Variants in TBC1D7 observed in about 807,000 individuals in gnomAD.
The protein encoded by TBC1D7 is TBC1 domain family member 7, also known as TBC domain family 7.
Under a neutral mutation model 35.3 loss-of-function variants are expected in TBC1D7, and 33 were observed. The observed-to-expected ratio is 0.93, with a 90% confidence interval of 0.71 to 1.25. The LOEUF (loss-of-function observed/expected upper bound fraction) is 1.25, where lower values mean the gene tolerates loss of function less well. Ranked by LOEUF, TBC1D7 falls within the 50% of genes most tolerant of loss-of-function variation. TBC1D7 has a pLI of 0.00. For missense variants in TBC1D7, 362 were observed against 365.3 expected (o/e 0.99, Z 0.07); for synonymous variants, 135 against 129.5 (o/e 1.04, Z -0.29).
At chr6:13,317,063 G>A (rs113722815) in intron 4 of TBC1D7, among the ~76,000 whole-genome samples, 6 of 152,300 alleles carry the variant, frequency 3.9e-5, no homozygotes, top group African/African-American at 1.4e-4. Flanking sequence ...TTTGAAAAGG[G>A]TGTAATAAAC....
At position 13,316,575 on chromosome 6, in the gene TBC1D7, T is replaced by C; in HGVS notation, c.515A>G (p.Gln172Arg). ...AAAAAAAAAAAAAGCCCTCACCAACTGGGGCAAGGAATCCCGGTACTTGGT... is the reference window on the plus strand; with the variant it reads ...AAAAAAAAAAAAAGCCCTCACCAACCGGGGCAAGGAATCCCGGTACTTGGT... ...LNTKYRDSLP[Q>R]LPKAFEQYLN... Residue 172 changes from glutamine to arginine, a missense_variant, in exon 5 of 8, where the codon CAG becomes CGG. Transcript: ENST00000379300. The C allele has an allele frequency of 6.3e-7, 1 of 1,595,402 alleles. No individual in the cohort carries two copies.
intron 5 of TBC1D7, among the ~76,000 whole-genome samples, chr6:13,311,276 G>T (rs1158416315): frequency 1.3e-5 from 2 of 152,204 alleles, no homozygotes; most frequent in Non-Finnish European, 2.9e-5. Context: ...TACAATTGAA[G>T]TTGGCCTCTA....
chr6:13,320,015 C>A (rs1783915505), intron 4 of TBC1D7: 1 of 152,220 alleles, frequency 6.6e-6, no homozygotes, highest in Non-Finnish European at 1.5e-5. Context: ...GAGAAGGACA[C>A]AGCATCACCT....
chr6:13,325,851 G>A (rs6916634), intron 2 of TBC1D7, among the ~76,000 whole-genome samples: 23,923 of 152,000 alleles, frequency 0.16, 2,322 homozygotes, highest in East Asian at 0.3. Flanking sequence ...TAAATGACTT[G>A]ATCAAACTAA....
intron 3 of TBC1D7, among the ~76,000 whole-genome samples, chr6:13,324,134 T>G (rs764989528): frequency 1.5e-4 from 13 of 87,064 alleles, no homozygotes; most frequent in Admixed American, 6.8e-4. Context: ...TTGTTTTTTG[T>G]TTTTTTTTTT....
rs1232649367 is a variant in TBC1D7 at position 13,321,044 on chromosome 6, T to C, written c.245A>G (p.Lys82Arg). The C allele has an allele frequency of 1.2e-6, 2 of 1,614,160 alleles. No individual in the cohort carries two copies. Among genetic ancestry groups the C allele is most frequent in the Non-Finnish European group, 1.7e-6 (2 of 1,179,982 alleles). ...ATGAAGGACATCCAAGTACTGCTCCTTACGATACATCATCACCTTGGCATG... is the reference window on the plus strand; with the variant it reads ...ATGAAGGACATCCAAGTACTGCTCCCTACGATACATCATCACCTTGGCATG... ...ESHAKVMMYR[K>R]EQYLDVLHAL... Residue 82 changes from lysine to arginine, a missense_variant, in exon 4 of 8, where the codon AAG becomes AGG. Physicochemically the swap from Lys to Arg is conservative, Grantham distance 26. Coordinates refer to ENST00000379300, the MANE Select transcript of TBC1D7 (RefSeq NM_016495.6).
intron 3 of TBC1D7, among the ~76,000 whole-genome samples, chr6:13,324,621 G>A (rs989823097): frequency 9.9e-5 from 15 of 152,080 alleles, no homozygotes; most frequent in African/African-American, 3.4e-4. Context: ...TCAGCCACTC[G>A]CACCACTGGA....
intron 4 of TBC1D7, chr6:13,318,620 C>T (rs1039525211): frequency 6.6e-6 from 1 of 152,052 alleles, no homozygotes; most frequent in Non-Finnish European, 1.5e-5. Context: ...TCCATGGATA[C>T]CTCATCATTA....
At chr6:13,325,236 C>G in intron 2 of TBC1D7, 62 bp from the exon 3 acceptor site, 1 of 1,234,296 alleles carries the variant, frequency 8.1e-7, no homozygotes, top group African/African-American at 1.5e-5. Flanking sequence ...TGTCAAGGCA[C>G]ATTTCATTTT....
intron 4 of TBC1D7, 111 bp from the exon 5 acceptor site, chr6:13,316,819 T>C (rs1783664306): frequency 2.3e-6 from 3 of 1,291,846 alleles, no homozygotes; most frequent in African/African-American, 3.0e-5. Flanking sequence ...GCTACATTAA[T>C]AAATCAAAGT....
intron 3 of TBC1D7, among the ~76,000 whole-genome samples, chr6:13,321,702 A>G (rs1784054237): frequency 6.6e-6 from 1 of 152,228 alleles, no homozygotes; most frequent in East Asian, 1.9e-4. Context: ...CACAGTGGAA[A>G]GACCACTAGA....
At chr6:13,311,011 C>T (rs957175) in intron 5 of TBC1D7, among the ~76,000 whole-genome samples, 46,779 of 151,828 alleles carry the variant, frequency 0.31, 7,481 homozygotes, top group South Asian at 0.46. Context: ...TTTCTATGAC[C>T]CCCATAGTCT....
intron 5 of TBC1D7, among the ~76,000 whole-genome samples, chr6:13,314,434 A>T (rs1783457766): frequency 6.6e-6 from 1 of 152,186 alleles, no homozygotes; most frequent in Non-Finnish European, 1.5e-5. Flanking sequence ...TAAAGGATGA[A>T]TTTTTAAAGA....
chr6:13,325,103 C>A lies in TBC1D7; in HGVS notation c.184G>T (p.Val62Leu). The A allele has an allele frequency of 6.2e-7, 1 of 1,610,928 alleles. No individual in the cohort carries two copies. Among genetic ancestry groups the A allele is most frequent in the South Asian group, 1.1e-5 (1 of 90,296 alleles). The change falls in exon 3 of 8, where the codon GTG becomes TTG. Residue 62 changes from valine to leucine, a missense_variant. By Grantham distance (32) the Val-to-Leu change is conservative. Coordinates refer to ENST00000379300, the MANE Select transcript of TBC1D7 (RefSeq NM_016495.6). ...PSMYRALVWK[V>L]LLGILPPHHE... ...CTCCTGGGTCTCATACCTAGAAGCACCTTCCATACCAATGCACGGTACATG... is the reference window on the plus strand; with the variant it reads ...CTCCTGGGTCTCATACCTAGAAGCAACTTCCATACCAATGCACGGTACATG...
intron 5 of TBC1D7, among the ~76,000 whole-genome samples, chr6:13,309,403 A>G (rs1783038228): frequency 6.6e-6 from 1 of 152,242 alleles, no homozygotes; most frequent in South Asian, 2.1e-4. Flanking sequence ...CTGGTTCTTC[A>G]GTACCTAGCA....
intron 5 of TBC1D7, among the ~76,000 whole-genome samples, chr6:13,308,835 T>C (rs775311974): frequency 1.3e-5 from 2 of 152,170 alleles, no homozygotes; most frequent in Non-Finnish European, 2.9e-5. Flanking sequence ...TGAGACATAC[T>C]AGTAAAGAGG....
At chr6:13,319,472 A>C (rs1783870944) in intron 4 of TBC1D7, 2 of 144,672 alleles carry the variant, frequency 1.4e-5, no homozygotes, top group African/African-American at 5.5e-5. Flanking sequence ...AAAAAAAGAA[A>C]AAAAAAAAAA....
chr6:13,326,608 G>A (rs550308075), intron 2 of TBC1D7, among the ~76,000 whole-genome samples, 179 bp downstream of exon 2: 79 of 152,180 alleles, frequency 5.2e-4, no homozygotes, highest in Non-Finnish European at 8.4e-4. Flanking sequence ...AAAAACTTCT[G>A]ACGCTCAGTG....
At chr6:13,312,984 T>C (rs1380716910) in intron 5 of TBC1D7, among the ~76,000 whole-genome samples, 1 of 152,162 alleles carries the variant, frequency 6.6e-6, no homozygotes, top group Non-Finnish European at 1.5e-5. Flanking sequence ...GTGTCTGTAT[T>C]GAACAGACAC....
Sources: gnomAD v4.1 joint callset for allele counts (sites outside exome capture counted in the v4.1 genomes callset) on GRCh38, gnomAD v4.1.1 for gene constraint, MANE v1.5 for transcripts, NCBI Gene and HGNC (gene_info 2026-07-23, HGNC 2026-07-21) for gene names.